The following PCDHA2 variants were observed in gnomAD, a reference collection of about 807,000 sequenced individuals.
The protein encoded by PCDHA2 is protocadherin alpha-2.
In PCDHA2, 58 loss-of-function variants were observed where a neutral mutation model predicts 66.0. That is an observed-to-expected ratio of 0.88 (90% confidence interval 0.71 to 1.09). The LOEUF (loss-of-function observed/expected upper bound fraction) is 1.09, where lower values mean the gene tolerates loss of function less well. Ranked by LOEUF, PCDHA2 falls within the 50% of genes least tolerant of loss-of-function variation. The pLI is 0.00. For missense variants in PCDHA2, 1,267 were observed against 1,242.3 expected, an observed-to-expected ratio of 1.02 and a Z score of -0.30; for synonymous variants, 634 against 554.0, an observed-to-expected ratio of 1.14 and a Z score of -2.03.
chr5:140,910,652 T>C (rs2075120001), intron 1 of PCDHA2, among the ~76,000 whole-genome samples: 1 of 152,204 alleles, frequency 6.6e-6, no homozygotes, highest in Non-Finnish European at 1.5e-5. Flanking sequence ...TTTTGATCCC[T>C]TCCTCTACAT....
At chr5:140,930,306 CAT>C (rs1554207728) in intron 1 of PCDHA2, 1 of 152,052 alleles carries the variant, frequency 6.6e-6, no homozygotes, top group East Asian at 1.9e-4. Context: ...AAGTAAATAT[CAT>C]ATTTGAGAGT....
At chr5:140,853,825 C>A (rs1465584755) in intron 1 of PCDHA2, 1 of 986,448 alleles carries the variant, frequency 1.0e-6, no homozygotes, top group Non-Finnish European at 1.2e-6. Flanking sequence ...GATTCTCATA[C>A]AACCGAAATT....
intron 1 of PCDHA2, chr5:140,822,371 T>C: frequency 1.2e-6 from 2 of 1,614,080 alleles, no homozygotes; most frequent in South Asian, 2.2e-5. Context: ...AGGAAATCCT[T>C]AGATAGAGAA....
At chr5:140,850,903 G>T (rs781893598) in intron 1 of PCDHA2, 1 of 1,560,860 alleles carries the variant, frequency 6.4e-7, no homozygotes, top group Non-Finnish European at 8.7e-7. Context: ...GGTTTTTCTA[G>T]CATTTTATTT....
At chr5:140,859,230 G>A (rs1168816968) in intron 1 of PCDHA2, 2 of 149,852 alleles carry the variant, frequency 1.3e-5, no homozygotes, top group Non-Finnish European at 3.0e-5. Context: ...TAAGGAAGGA[G>A]TCATGCTTAT....
At chr5:140,876,991 T>C in intron 1 of PCDHA2, 1 of 1,612,564 alleles carries the variant, frequency 6.2e-7, no homozygotes, top group Non-Finnish European at 8.5e-7. Flanking sequence ...ACTGTCGAGC[T>C]ACGTGTCGGT....
At chr5:140,996,655 A>G (rs974466773) in intron 3 of PCDHA2, among the ~76,000 whole-genome samples, 5 of 152,226 alleles carry the variant, frequency 3.3e-5, no homozygotes, top group African/African-American at 1.2e-4. Context: ...TCCTGGGTGC[A>G]GGCTAGTTTT....
intron 1 of PCDHA2, chr5:140,835,898 G>A (rs2150247809): frequency 6.2e-7 from 1 of 1,611,962 alleles, no homozygotes; most frequent in African/African-American, 1.3e-5. Flanking sequence ...GCGCGCTGTC[G>A]AGCTACGTGT....
chr5:141,011,228 A>T lies in PCDHA2; in HGVS notation c.*1291A>T, dbSNP rs2098419864. 1 of 153,664 alleles carries T rather than the reference A, an allele frequency of 6.5e-6. No homozygotes were observed. The highest frequency in any genetic ancestry group is 1.5e-5 in the Non-Finnish European group (1 of 68,016). 9.5% of individuals were successfully genotyped at this position (153,664 alleles called of 1,614,324 possible). On this transcript the variant is annotated 3_prime_UTR_variant, in exon 4 of 4. Coordinates refer to ENST00000526136, the MANE Select transcript of PCDHA2 (RefSeq NM_018905.3). The stretch of plus-strand genomic sequence containing the variant: ...CAGTGAGCAGATTTTTCAATCTACT[A>T]ATTCTGTGACTTGTCTTGGTGTGCT...
At chr5:140,854,341 G>A (rs1388413417) in intron 1 of PCDHA2, 1 of 189,830 alleles carries the variant, frequency 5.3e-6, no homozygotes, top group Non-Finnish European at 9.6e-6. Flanking sequence ...TTACGCTCCA[G>A]ATAGCTAAAA....
chr5:140,825,524 A>G (rs1554130271), intron 1 of PCDHA2: 1 of 151,394 alleles, frequency 6.6e-6, no homozygotes, highest in Non-Finnish European at 1.5e-5. Flanking sequence ...TCCCAGGTTC[A>G]AGCGATTCTC....
intron 1 of PCDHA2, among the ~76,000 whole-genome samples, chr5:140,944,593 TG>T: frequency 6.6e-6 from 1 of 152,318 alleles, no homozygotes; most frequent in South Asian, 2.1e-4. Flanking sequence ...AGAATTTCCC[TG>T]GGTAGAGTAG....
chr5:140,840,316 C>A (rs2150305705), intron 1 of PCDHA2, among the ~76,000 whole-genome samples: 1 of 151,756 alleles, frequency 6.6e-6, no homozygotes, highest in South Asian at 2.1e-4. Flanking sequence ...TAACTTTGGT[C>A]GACTCATTTT....
At chr5:140,979,826 G>A (rs1338756237) in intron 2 of PCDHA2, among the ~76,000 whole-genome samples, 1 of 152,184 alleles carries the variant, frequency 6.6e-6, no homozygotes, top group East Asian at 1.9e-4. Context: ...TAATTTTAAA[G>A]AAGAAATAAT....
rs782697989 is a variant in PCDHA2, at chr5:140,858,434, A to G, written c.2388+61082A>G. On this transcript the variant is annotated intron_variant, in intron 1 of 3. Coordinates refer to ENST00000526136, the MANE Select transcript of PCDHA2 (RefSeq NM_018905.3). ...GTCTATTGGAGGGGACCACTCTAGGAAGGTGGGTTATTACGTTTTCATTTT... is the reference window on the plus strand; with the variant it reads ...GTCTATTGGAGGGGACCACTCTAGGGAGGTGGGTTATTACGTTTTCATTTT... 3 of 1,543,272 alleles carry G rather than the reference A, an allele frequency of 1.9e-6. No homozygotes were observed. The Admixed American group carries it at 5.9e-5, about 30-fold the overall frequency.
At chr5:140,835,910 A>G (rs2150248144) in intron 1 of PCDHA2, 5 of 1,612,138 alleles carry the variant, frequency 3.1e-6, no homozygotes, top group Non-Finnish European at 3.4e-6. Context: ...GCTACGTGTC[A>G]GTGCACGCGG....
Position 141,009,910 on chromosome 5 carries a change from C to G in PCDHA2, c.2820C>G (p.Asn940Lys), listed in dbSNP as rs1554262551. ...CCCAGGAGAAAAAAGAGAAAGGGAA[C>G]AGCACGACTGACAACAGTGACCAGT... The part of the protein sequence containing the change: ...NKTQEKKEKG[N>K]STTDNSDQ Residue 940 changes from asparagine to lysine, a missense_variant, in exon 4 of 4, where the codon AAC (asparagine) becomes AAG (lysine). Physicochemically the swap from Asn to Lys is moderately conservative, Grantham distance 94 (BLOSUM62 0). Transcript: ENST00000526136. 28 of 1,612,616 alleles carry G rather than the reference C, an allele frequency of 1.7e-5. No homozygotes were observed. Among genetic ancestry groups the G allele is most frequent in the African/African-American group, 5.4e-5 (4 of 74,736 alleles).
At chr5:140,799,213 T>C (rs905078730) in intron 1 of PCDHA2, among the ~76,000 whole-genome samples, 7 of 152,142 alleles carry the variant, frequency 4.6e-5, no homozygotes, top group Non-Finnish European at 8.8e-5. Flanking sequence ...TCTAAACTCA[T>C]AGTTCCTTTA....
At chr5:140,906,340 C>T (rs1353616474) in intron 1 of PCDHA2, among the ~76,000 whole-genome samples, 1 of 152,138 alleles carries the variant, frequency 6.6e-6, no homozygotes, top group Non-Finnish European at 1.5e-5. Flanking sequence ...CTTCATACAA[C>T]CAAGAATGCA....
Sources: gnomAD v4.1 joint callset for allele counts (sites outside exome capture counted in the v4.1 genomes callset) on GRCh38, gnomAD v4.1.1 for gene constraint, MANE v1.5 for transcripts, NCBI Gene and HGNC (gene_info 2026-07-23, HGNC 2026-07-21) for gene names.